Variants in DCC observed in about 807,000 individuals in gnomAD.
DCC encodes netrin receptor DCC.
A neutral mutation model predicts 172.5 loss-of-function variants in DCC; 58 were observed. The observed-to-expected ratio is 0.34, with a 90% CI of 0.27 to 0.42. DCC has a LOEUF of 0.42. Ranked by LOEUF, DCC falls within the 10% of genes least tolerant of loss-of-function variation. The pLI, the probability that DCC is intolerant of heterozygous loss-of-function variation, is 1.00. For missense variants in DCC, 1,740 were observed against 1,791.0 expected, an observed-to-expected ratio of 0.97 and a Z score of 0.51; for synonymous variants, 709 against 644.5, an observed-to-expected ratio of 1.10 and a Z score of -1.52.
intron 25 of DCC, among the ~76,000 whole-genome samples, chr18:53,475,337 A>G (rs1210796107): frequency 6.6e-6 from 1 of 152,236 alleles, no homozygotes; most frequent in Non-Finnish European, 1.5e-5. Flanking sequence ...AAATGTTTCC[A>G]GGGCATGTCA....
chr18:53,492,304 C>G (rs1448366565), intron 26 of DCC, among the ~76,000 whole-genome samples: 1 of 150,774 alleles, frequency 6.6e-6, no homozygotes, highest in Non-Finnish European at 1.5e-5. Flanking sequence ...TGCAGAAGAT[C>G]TTTAATTAGA....
intron 1 of DCC, among the ~76,000 whole-genome samples, chr18:52,461,307 C>T (rs917670705): frequency 6.6e-6 from 1 of 152,180 alleles, no homozygotes; most frequent in South Asian, 2.1e-4. Context: ...GAGCTGTCCT[C>T]TCCTGAGATA....
intron 15 of DCC, among the ~76,000 whole-genome samples, chr18:53,378,108 C>T (rs1156738414): frequency 1.3e-5 from 2 of 152,060 alleles, no homozygotes; most frequent in Non-Finnish European, 2.9e-5. Context: ...ATTACAGGCA[C>T]GTGCCTCCTT....
intron 8 of DCC, among the ~76,000 whole-genome samples, chr18:53,172,288 T>A (rs1001350938): frequency 6.6e-6 from 1 of 151,982 alleles, no homozygotes; most frequent in Non-Finnish European, 1.5e-5. Context: ...CAGGGACATA[T>A]AGATGGCAAC....
intron 1 of DCC, among the ~76,000 whole-genome samples, chr18:52,470,190 C>T (rs571455566): frequency 6.6e-6 from 1 of 152,270 alleles, no homozygotes; most frequent in Admixed American, 6.5e-5. Context: ...ATTTGACAGA[C>T]TTCGGCACCT....
At chr18:53,144,778 C>T (rs772910582) in intron 7 of DCC, among the ~76,000 whole-genome samples, 3 of 151,976 alleles carry the variant, frequency 2.0e-5, no homozygotes, top group Non-Finnish European at 4.4e-5. Flanking sequence ...TGAGACTGTA[C>T]GTAACTGAAC....
At chr18:52,919,789 A>T (rs2040092586) in intron 3 of DCC, among the ~76,000 whole-genome samples, 1 of 152,116 alleles carries the variant, frequency 6.6e-6, no homozygotes. Flanking sequence ...AATACTGAAT[A>T]AGAAGAACAA....
At position 53,365,409 on chromosome 18, in the gene DCC, A is replaced by T. The variant is rs868757357; in HGVS notation, c.2360-20634A>T. 2.8e-4 allele frequency among the ~76,000 whole-genome samples: 42 copies of T among 148,402 alleles called. 1 individual carries two copies. In the South Asian group the frequency reaches 3.6e-3, roughly 13 times the overall value. On this transcript the variant is annotated intron_variant, in intron 15 of 28. Transcript: ENST00000442544. ...AAGTACAGTAATATATATATATATA[A>T]AAGAAAAGTAAAAGCATTTTATGAT... is the stretch of plus-strand genomic sequence containing the variant.
intron 1 of DCC, among the ~76,000 whole-genome samples, chr18:52,649,252 A>G (rs2035078201): frequency 6.6e-6 from 1 of 151,946 alleles, no homozygotes; most frequent in Non-Finnish European, 1.5e-5. Flanking sequence ...AGGCACCTGC[A>G]GTTTCAGCTA....
Position 53,459,427 on chromosome 18 carries a change from C to A in DCC, c.3588C>A (p.Thr1196=), listed in dbSNP as rs1255560075. The A allele has an allele frequency of 3.1e-6, 5 of 1,613,424 alleles. No individual in the cohort carries two copies. The highest frequency in any genetic ancestry group is 1.3e-5 in the African/African-American group (1 of 75,008). Residue 1196 remains threonine (T), a synonymous_variant, in exon 24 of 29, where the codon ACC becomes ACA. Coordinates refer to ENST00000442544, the MANE Select transcript of DCC (RefSeq NM_005215.4). The part of the protein sequence containing the change: ...LTPVSHSQSE[T]QLGSKSTSHS... The stretch of plus-strand genomic sequence containing the variant: ...CAGTCAGCCACAGCCAGTCAGAAAC[C>A]CAACTGGGAAGCAAAAGCACCTCTC...
rs1023230164 is a variant in DCC at position 53,391,799 on chromosome 18, A to G, written c.2600A>G (p.Asn867Ser). The G allele has an allele frequency of 3.1e-6, 5 of 1,613,622 alleles. No homozygotes were observed. The highest frequency in any genetic ancestry group is 2.7e-5 in the African/African-American group (2 of 74,798). The change falls in exon 17 of 29, where the codon AAC (asparagine) becomes AGC (serine). Residue 867 changes from asparagine to serine, a missense_variant. Coordinates refer to ENST00000442544, the MANE Select transcript of DCC (RefSeq NM_005215.4). The part of the protein sequence containing the change: ...HDAVRVSWAD[N>S]SVPKNQKTSE... ...GCTGTGAGGGTCAGCTGGGCAGACA[A>G]CTCTGTCCCTAAGAACCAAAAGACG...
intron 12 of DCC, among the ~76,000 whole-genome samples, chr18:53,286,759 AC>A (rs2056940435): frequency 6.6e-6 from 1 of 152,198 alleles, no homozygotes; most frequent in Non-Finnish European, 1.5e-5. Flanking sequence ...ATGAAGGAAA[AC>A]AACAGACAGG....
intron 1 of DCC, among the ~76,000 whole-genome samples, chr18:52,365,460 C>T (rs979206729): frequency 5.3e-5 from 8 of 151,948 alleles, no homozygotes; most frequent in Non-Finnish European, 1.0e-4. Flanking sequence ...AAAAGAATTC[C>T]CTTTTTCTCT....
chr18:53,285,590 G>A (rs2056926072), intron 12 of DCC, among the ~76,000 whole-genome samples: 1 of 152,250 alleles, frequency 6.6e-6, no homozygotes, highest in Admixed American at 6.5e-5. Context: ...CTAGGGCAGT[G>A]CAGAAAGGAA....
intron 1 of DCC, among the ~76,000 whole-genome samples, chr18:52,746,882 G>A (rs62081894): frequency 0.2 from 30,026 of 150,388 alleles, 4,273 homozygotes; most frequent in African/African-American, 0.4. Context: ...TTGCTATCTT[G>A]GTATCTGCTT....
At chr18:52,957,779 A>G (rs189016663) in intron 5 of DCC, among the ~76,000 whole-genome samples, 177 of 152,256 alleles carry the variant, frequency 1.2e-3, no homozygotes, top group African/African-American at 4.0e-3. Context: ...GAAGAACTCA[A>G]TAGGATGTGA....
At chr18:53,290,729 C>T (rs1017605034) in intron 12 of DCC, among the ~76,000 whole-genome samples, 2 of 152,062 alleles carry the variant, frequency 1.3e-5, no homozygotes, top group Non-Finnish European at 2.9e-5. Context: ...ATTGGCCATA[C>T]CTAAATTTTT....
intron 1 of DCC, among the ~76,000 whole-genome samples, chr18:52,744,957 A>G (rs1225955422): frequency 6.6e-6 from 1 of 152,214 alleles, no homozygotes; most frequent in Non-Finnish European, 1.5e-5. Context: ...ATCCTCTCAT[A>G]GCCCCTTATG....
chr18:53,226,948 A>ATATATTTT, intron 12 of DCC, among the ~76,000 whole-genome samples: 1 of 52,954 alleles, frequency 1.9e-5, no homozygotes, highest in African/African-American at 9.4e-5. Flanking sequence ...ATATATATAT[A>ATATATTTT]TTTTTTTTTT....
Sources: gnomAD v4.1 joint callset for allele counts (sites outside exome capture counted in the v4.1 genomes callset) on GRCh38, gnomAD v4.1.1 for gene constraint, MANE v1.5 for transcripts, NCBI Gene and HGNC (gene_info 2026-07-23, HGNC 2026-07-21) for gene names.